Variants in SH3GL2 observed in about 807,000 individuals in gnomAD.
The protein encoded by SH3GL2 is endophilin-A1.
Under a neutral mutation model 46.0 loss-of-function variants are expected in SH3GL2, and 24 were observed. The observed-to-expected ratio is 0.52, with a 90% CI of 0.38 to 0.73. The LOEUF (loss-of-function observed/expected upper bound fraction) is 0.73. Ranked by LOEUF, SH3GL2 falls within the 30% of genes least tolerant of loss-of-function variation. The pLI, the probability that SH3GL2 is intolerant of heterozygous loss-of-function variation, is 0.00. For synonymous variants in SH3GL2, 196 were observed against 147.1 expected, an observed-to-expected ratio of 1.33 and a Z score of -2.40; for missense variants, 413 against 424.2, an observed-to-expected ratio of 0.97 and a Z score of 0.23.
intron 1 of SH3GL2, among the ~76,000 whole-genome samples, chr9:17,644,100 G>T (rs1819749842): frequency 6.6e-6 from 1 of 152,096 alleles, no homozygotes; most frequent in Admixed American, 6.5e-5. Flanking sequence ...ATTTCTTCTG[G>T]ATTTTCTAGT....
chr9:17,600,327 A>G (rs1479374292), intron 1 of SH3GL2, among the ~76,000 whole-genome samples: 1 of 152,228 alleles, frequency 6.6e-6, no homozygotes, highest in Non-Finnish European at 1.5e-5. Context: ...GGTAGGAGAA[A>G]CTAAGACAAA....
chr9:17,646,206 A>G (rs1022894346), intron 1 of SH3GL2, among the ~76,000 whole-genome samples: 1 of 151,698 alleles, frequency 6.6e-6, no homozygotes, highest in African/African-American at 2.4e-5. Context: ...TTCTCGTGCT[A>G]TGTTTTTCCG....
intron 2 of SH3GL2, among the ~76,000 whole-genome samples, chr9:17,760,074 C>A (rs1037865067): frequency 2.0e-5 from 3 of 152,116 alleles, no homozygotes; most frequent in Non-Finnish European, 4.4e-5. Flanking sequence ...CTGCACAACT[C>A]CAGGGGGCTA....
At chr9:17,704,520 C>G (rs1402304781) in intron 1 of SH3GL2, among the ~76,000 whole-genome samples, 1 of 152,020 alleles carries the variant, frequency 6.6e-6, no homozygotes, top group Non-Finnish European at 1.5e-5. Context: ...ATCGCATTAC[C>G]TGACTTCAAA....
chr9:17,763,455 CAG>C (rs1823235054), intron 3 of SH3GL2, among the ~76,000 whole-genome samples: 2 of 152,014 alleles, frequency 1.3e-5, no homozygotes, highest in Non-Finnish European at 2.9e-5. Flanking sequence ...GGAGAGGACA[CAG>C]AGAAACACAG....
chr9:17,718,796 G>A (rs781487373), intron 1 of SH3GL2, among the ~76,000 whole-genome samples: 2 of 152,110 alleles, frequency 1.3e-5, no homozygotes, highest in African/African-American at 2.4e-5. Flanking sequence ...AGAAAGTGGG[G>A]GCTGCATTGT....
chr9:17,704,555 A>G (rs757875124), intron 1 of SH3GL2, among the ~76,000 whole-genome samples: 1 of 152,164 alleles, frequency 6.6e-6, no homozygotes, highest in Non-Finnish European at 1.5e-5. Context: ...ATGGTAACCA[A>G]AACAGTATGG....
At chr9:17,764,563 A>G (rs1280843864) in intron 3 of SH3GL2, among the ~76,000 whole-genome samples, 3 of 152,252 alleles carry the variant, frequency 2.0e-5, no homozygotes, top group African/African-American at 7.2e-5. Flanking sequence ...CTGGGTTAGG[A>G]CAGGGCCTGA....
intron 1 of SH3GL2, among the ~76,000 whole-genome samples, chr9:17,712,085 T>C (rs560101361): frequency 6.6e-6 from 1 of 151,854 alleles, no homozygotes; most frequent in Non-Finnish European, 1.5e-5. Context: ...CGTCTTTTTA[T>C]GTGCTTTTTT....
chr9:17,772,669 G>T (rs897119329), intron 3 of SH3GL2, among the ~76,000 whole-genome samples: 1 of 152,168 alleles, frequency 6.6e-6, no homozygotes, highest in Non-Finnish European at 1.5e-5. Flanking sequence ...GTGTATATAA[G>T]AATTGCCTTC....
intron 1 of SH3GL2, among the ~76,000 whole-genome samples, chr9:17,674,511 C>G (rs1820557884): frequency 6.6e-6 from 1 of 152,072 alleles, no homozygotes; most frequent in Non-Finnish European, 1.5e-5. Context: ...AACAATCTGC[C>G]CACCTTGGCC....
At chr9:17,749,740 G>T (rs759101198) in intron 2 of SH3GL2, among the ~76,000 whole-genome samples, 8 of 152,264 alleles carry the variant, frequency 5.3e-5, no homozygotes, top group Admixed American at 1.3e-4. Context: ...ATTTATTTTG[G>T]TGAGAAATAT....
At chr9:17,756,906 C>G (rs979360108) in intron 2 of SH3GL2, among the ~76,000 whole-genome samples, 15 of 152,200 alleles carry the variant, frequency 9.9e-5, no homozygotes, top group African/African-American at 3.4e-4. Context: ...GCCACACTGT[C>G]TTCCACAATG....
At chr9:17,649,443 C>T (rs1219247427) in intron 1 of SH3GL2, among the ~76,000 whole-genome samples, 1 of 152,156 alleles carries the variant, frequency 6.6e-6, no homozygotes, top group East Asian at 1.9e-4. Context: ...ACAAATACTA[C>T]ATTCTGATTT....
At chr9:17,731,120 C>G (rs1822167490) in intron 1 of SH3GL2, among the ~76,000 whole-genome samples, 2 of 152,096 alleles carry the variant, frequency 1.3e-5, no homozygotes, top group South Asian at 4.1e-4. Flanking sequence ...ATACCTTTTC[C>G]TAAAGCAGCG....
chr9:17,661,185 A>ACAAAAT (rs1252918545), intron 1 of SH3GL2, among the ~76,000 whole-genome samples: 1 of 151,924 alleles, frequency 6.6e-6, no homozygotes, highest in Admixed American at 6.6e-5. Flanking sequence ...AAAAACAAAA[A>ACAAAAT]CAAAATTAAT....
intron 2 of SH3GL2, among the ~76,000 whole-genome samples, chr9:17,760,105 C>T (rs759860328): frequency 2.0e-5 from 3 of 152,152 alleles, no homozygotes; most frequent in Non-Finnish European, 4.4e-5. Context: ...TTAAGCTAAT[C>T]ACTACCTGGT....
At chr9:17,664,930 T>G (rs1202734204) in intron 1 of SH3GL2, among the ~76,000 whole-genome samples, 1 of 152,106 alleles carries the variant, frequency 6.6e-6, no homozygotes, top group Admixed American at 6.5e-5. Context: ...ATTTCTTTGC[T>G]TTGATATTTT....
chr9:17,760,823 G>T (rs1823149198), intron 2 of SH3GL2, among the ~76,000 whole-genome samples: 1 of 152,070 alleles, frequency 6.6e-6, no homozygotes, highest in Non-Finnish European at 1.5e-5. Context: ...GGGGAGAGGG[G>T]CCTGACAAAG....
Sources: gnomAD v4.1 joint callset for allele counts (sites outside exome capture counted in the v4.1 genomes callset) on GRCh38, gnomAD v4.1.1 for gene constraint, MANE v1.5 for transcripts, NCBI Gene and HGNC (gene_info 2026-07-23, HGNC 2026-07-21) for gene names.